Variants in FAM83B observed in about 807,000 individuals in gnomAD.
The protein encoded by FAM83B is protein FAM83B.
In FAM83B, 26 loss-of-function variants were observed where a neutral mutation model predicts 38.8. The ratio of observed to expected loss-of-function variants is 0.67; its 90% CI spans 0.49 to 0.93. The LOEUF is 0.93. Ranked by LOEUF, FAM83B falls within the 40% of genes least tolerant of loss-of-function variation. The probability of loss-of-function intolerance (pLI) is 0.00; values close to 1 mark genes in which losing one functional copy is unlikely to be tolerated. For missense variants in FAM83B, 1,237 were observed against 1,197.3 expected (o/e 1.03, Z -0.49); for synonymous variants, 419 against 423.1 (o/e 0.99, Z 0.12).
intron 2 of FAM83B, among the ~76,000 whole-genome samples, chr6:54,902,785 CAG>C (rs1254927710): frequency 1.3e-5 from 2 of 151,506 alleles, no homozygotes; most frequent in East Asian, 3.9e-4. Context: ...CTTATTAAGA[CAG>C]AATTTTTCAA....
intron 1 of FAM83B, among the ~76,000 whole-genome samples, chr6:54,861,068 G>A (rs768316729): frequency 5.9e-5 from 9 of 152,084 alleles, no homozygotes; most frequent in Non-Finnish European, 1.0e-4. Flanking sequence ...CACCATGCCC[G>A]GCCATGGGTT....
chr6:54,899,286 T>C (rs901693410), intron 2 of FAM83B, among the ~76,000 whole-genome samples: 2 of 152,100 alleles, frequency 1.3e-5, no homozygotes, highest in African/African-American at 2.4e-5. Flanking sequence ...GGTACAAGGG[T>C]TTTTCTAAAC....
In FAM83B at chr6:54,944,080, C is replaced by CT. The variant is rs1773757165; in HGVS notation, c.*2079dup. 6.6e-6 allele frequency: 1 copy of CT among 151,892 alleles called. No individual in the cohort carries two copies. The highest frequency in any genetic ancestry group is 2.4e-5 in the African/African-American group (1 of 41,364). The allele number at this position is 151,892 out of a possible 1,614,324, so 9.4% of individuals were successfully genotyped here. The stretch of plus-strand genomic sequence containing the variant: ...TTTTTAAAAATTGTTTTTCTTGTAT[C>CT]TTTTTTCTTCAAAAATATCTATATT... On this transcript the variant is annotated 3_prime_UTR_variant, in exon 5 of 5. Transcript: ENST00000306858.
At chr6:54,917,861 C>G (rs71560878) in intron 2 of FAM83B, among the ~76,000 whole-genome samples, 1,748 of 152,178 alleles carry the variant, frequency 0.011, 15 homozygotes, top group Middle Eastern at 0.024. Context: ...CGTATCCACC[C>G]GAAGCCCTCT....
At chr6:54,912,762 C>A (rs1772939008) in intron 2 of FAM83B, among the ~76,000 whole-genome samples, 1 of 151,848 alleles carries the variant, frequency 6.6e-6, no homozygotes, top group Admixed American at 6.6e-5. Context: ...TTTTCTACCA[C>A]CAAAGGTATG....
In FAM83B at chr6:54,941,001, C is replaced by A; in HGVS notation, c.2030C>A (p.Pro677His). The A allele has an allele frequency of 6.2e-7, 1 of 1,613,900 alleles. No individual in the cohort carries two copies. The highest frequency in any genetic ancestry group is 8.5e-7 in the Non-Finnish European group (1 of 1,179,974). ...LFDNSKANLD[P>H]GNSKHYVYST... The stretch of plus-strand genomic sequence containing the variant: ...GACAACTCAAAAGCCAACTTAGATC[C>A]TGGAAATAGTAAGCATTATGTATAT... Residue 677 changes from proline to histidine, a missense_variant, in exon 5 of 5, where the codon CCT becomes CAT. Coordinates refer to ENST00000306858, the MANE Select transcript of FAM83B (RefSeq NM_001010872.3).
At chr6:54,863,571 A>G (rs958827392) in intron 1 of FAM83B, among the ~76,000 whole-genome samples, 8 of 47,230 alleles carry the variant, frequency 1.7e-4, no homozygotes, top group Non-Finnish European at 3.8e-4. Flanking sequence ...TCCACTTCAT[A>G]TAATTGAAGA....
intron 2 of FAM83B, among the ~76,000 whole-genome samples, chr6:54,878,356 G>T (rs1246288513): frequency 1.3e-5 from 2 of 152,166 alleles, no homozygotes; most frequent in Non-Finnish European, 2.9e-5. Flanking sequence ...TACAAATGGG[G>T]TTAATCAACT....
At position 54,940,107 on chromosome 6, in the gene FAM83B, A is replaced by C. The variant is rs779611320; in HGVS notation, c.1136A>C (p.Gln379Pro). ...PNAIRQFQPNQINENWKRHSY... is the reference protein window; with the variant it reads ...PNAIRQFQPNPINENWKRHSY... ...GCAATACGTCAGTTTCAACCCAATC[A>C]GATAAATGAAAATTGGAAAAGGCAT... Residue 379 changes from glutamine to proline, a missense_variant, in exon 5 of 5, where the codon CAG (glutamine) becomes CCG (proline). By Grantham distance (76) the Gln-to-Pro change is moderately conservative (BLOSUM62 -1). Coordinates refer to ENST00000306858, the MANE Select transcript of FAM83B (RefSeq NM_001010872.3). 3.7e-6 allele frequency: 6 copies of C among 1,614,014 alleles called. No homozygotes were observed. Among genetic ancestry groups the C allele is most frequent in the Non-Finnish European group, 5.1e-6 (6 of 1,180,038 alleles).
intron 2 of FAM83B, among the ~76,000 whole-genome samples, chr6:54,875,203 C>T (rs760935464): frequency 1.3e-5 from 2 of 152,142 alleles, no homozygotes; most frequent in Non-Finnish European, 2.9e-5. Flanking sequence ...TGCTTACCAA[C>T]TTAAGATTAT....
rs200621823 is a variant in FAM83B at position 54,927,622 on chromosome 6, G to A, written c.724G>A (p.Gly242Ser). Reference protein sequence around the residue: ...LLVDCQKVMYGSYSYMWSFEK... With the variant: ...LLVDCQKVMYSSYSYMWSFEK... ...AGTTGACTGCCAGAAAGTGATGTAC[G>A]GTTCTTACAGGTAAGATCATTGTGT... The change falls in exon 4 of 5, where the codon GGT (glycine) becomes AGT (serine). Residue 242 changes from glycine (G) to serine (S), a missense_variant. Physicochemically the swap from Gly to Ser is moderately conservative, Grantham distance 56. Transcript: ENST00000306858. 1.6e-5 allele frequency: 26 copies of A among 1,594,994 alleles called. No homozygotes were observed. The highest frequency in any genetic ancestry group is 8.0e-5 in the South Asian group (7 of 87,826).
Position 54,940,879 on chromosome 6 carries a change from C to CTA in FAM83B, c.1917_1918dup (p.Lys640IlefsTer6). 1.2e-6 allele frequency: 2 copies of CTA among 1,613,782 alleles called. No homozygotes were observed. The highest frequency in any genetic ancestry group is 1.7e-6 in the Non-Finnish European group (2 of 1,179,870). On this transcript the variant is annotated frameshift_variant, in exon 5 of 5. Coordinates refer to ENST00000306858, the MANE Select transcript of FAM83B (RefSeq NM_001010872.3). LOFTEE classifies it high-confidence loss of function. ...CAAATGGCCATACTGAATCAAATAACTATATATATAAAACCTTGGGTGTAA... is the reference window on the plus strand; with the variant it reads ...CAAATGGCCATACTGAATCAAATAACTATATATATATAAAACCTTGGGTGTAA...
intron 1 of FAM83B, among the ~76,000 whole-genome samples, chr6:54,869,800 C>T (rs1771801326): frequency 6.6e-6 from 1 of 152,152 alleles, no homozygotes; most frequent in South Asian, 2.1e-4. Flanking sequence ...AATTTGCCTC[C>T]TCAACTAATT....
In FAM83B at chr6:54,940,988, G is replaced by T. The variant is rs1269936150; in HGVS notation, c.2017G>T (p.Ala673Ser). ...RSFPLFDNSK[A>S]NLDPGNSKHY... ...TTTCCCGTTATTTGACAACTCAAAA[G>T]CCAACTTAGATCCTGGAAATAGTAA... The change falls in exon 5 of 5, where the codon GCC becomes TCC. Residue 673 changes from alanine to serine, a missense_variant. Coordinates refer to ENST00000306858, the MANE Select transcript of FAM83B (RefSeq NM_001010872.3). 1 of 1,613,920 alleles carries T rather than the reference G, an allele frequency of 6.2e-7. No homozygotes were observed. Among genetic ancestry groups the T allele is most frequent in the Non-Finnish European group, 8.5e-7 (1 of 1,179,976 alleles).
At chr6:54,882,360 C>T (rs1772152475) in intron 2 of FAM83B, among the ~76,000 whole-genome samples, 1 of 152,198 alleles carries the variant, frequency 6.6e-6, no homozygotes, top group Non-Finnish European at 1.5e-5. Flanking sequence ...GATGTATTAA[C>T]ACATTTATCT....
chr6:54,902,959 A>C (rs1033825085), intron 2 of FAM83B, among the ~76,000 whole-genome samples: 1 of 152,244 alleles, frequency 6.6e-6, no homozygotes, highest in African/African-American at 2.4e-5. Context: ...TAAAACAAGT[A>C]CATTTTGATA....
At position 54,936,865 on chromosome 6, in the gene FAM83B, T is replaced by C. The variant is rs557334513; in HGVS notation, c.735-2841T>C. Among the ~76,000 whole-genome samples the C allele has an allele frequency of 8.6e-5, 13 of 150,722 alleles. No homozygotes were observed. In the South Asian group the frequency reaches 2.8e-3, roughly 32 times the overall value. ...TTTTGAATTCATACCTTTAGTCAGA[T>C]TGAAAATTTCTTTAGTTACTTACTT... On this transcript the variant is annotated intron_variant, in intron 4 of 4. Transcript: ENST00000306858.
Position 54,941,741 on chromosome 6 carries a change from C to T in FAM83B, c.2770C>T (p.Leu924=), listed in dbSNP as rs1335653133. ...SSPRPTSSEL[L]RSHSTDRRVY... ...TCCAAGGCCAACGTCCAGTGAGCTTCTACGATCTCATTCAACTGATCGGCG... is the reference window on the plus strand; with the variant it reads ...TCCAAGGCCAACGTCCAGTGAGCTTTTACGATCTCATTCAACTGATCGGCG... The change falls in exon 5 of 5, where the codon CTA becomes TTA. Residue 924 remains leucine, a synonymous_variant. Coordinates refer to ENST00000306858, the MANE Select transcript of FAM83B (RefSeq NM_001010872.3). The T allele has an allele frequency of 3.8e-5, 61 of 1,614,112 alleles. 1 individual carries two copies. Among genetic ancestry groups the T allele is most frequent in the Non-Finnish European group, 5.2e-5 (61 of 1,180,016 alleles).
rs115757956 is a variant in FAM83B at position 54,900,968 on chromosome 6, T to C, written c.445-25403T>C. The stretch of plus-strand genomic sequence containing the variant: ...AATTGTGTATTCAGACATTAAAGAG[T>C]AATCATAGGTCAAAATTTAAAATTG... On this transcript the variant is annotated intron_variant, in intron 2 of 4. Coordinates refer to ENST00000306858, the MANE Select transcript of FAM83B (RefSeq NM_001010872.3). Among the ~76,000 whole-genome samples, 885 of 152,252 alleles carry C rather than the reference T, an allele frequency of 5.8e-3. 14 individuals are homozygous for C. Among genetic ancestry groups the C allele is most frequent in the African/African-American group, 0.02 (851 of 41,538 alleles).
Sources: allele counts gnomAD v4.1 joint callset (sites outside exome capture counted in the v4.1 genomes callset), GRCh38; gene constraint gnomAD v4.1.1; transcripts MANE v1.5; gene names NCBI Gene and HGNC (gene_info 2026-07-23, HGNC 2026-07-21).